SLCO6A1: variants seen among roughly 807,000 people sequenced by gnomAD.
SLCO6A1 encodes cancer/testis antigen 48.
Under a neutral mutation model 72.7 loss-of-function variants are expected in SLCO6A1, and 65 were observed. The ratio of observed to expected loss-of-function variants is 0.89; its 90% CI spans 0.73 to 1.10. The LOEUF (loss-of-function observed/expected upper bound fraction) is 1.10. Among genes scored for constraint, SLCO6A1 ranks in the 50% least tolerant of loss-of-function variants. The pLI is 0.00. For missense variants in SLCO6A1, 874 were observed against 872.6 expected (o/e 1.00, Z -0.02); for synonymous variants, 314 against 298.2 (o/e 1.05, Z -0.55).
chr5:102,433,445 T>C (rs1356933408), intron 7 of SLCO6A1, among the ~76,000 whole-genome samples: 2 of 152,144 alleles, frequency 1.3e-5, no homozygotes, highest in Non-Finnish European at 2.9e-5. Context: ...TTTTCTTTTA[T>C]CCTATTTGAT....
chr5:102,456,741 G>A (rs1172841336), intron 6 of SLCO6A1, among the ~76,000 whole-genome samples: 2 of 152,000 alleles, frequency 1.3e-5, no homozygotes, highest in Non-Finnish European at 2.9e-5. Context: ...TCACAGAATT[G>A]GAAAAAACTA....
chr5:102,421,763 G>A (rs1006480890), intron 7 of SLCO6A1, among the ~76,000 whole-genome samples: 2 of 152,198 alleles, frequency 1.3e-5, no homozygotes, highest in South Asian at 2.1e-4. Context: ...CACAATGCTC[G>A]AGCTCTGCTA....
At chr5:102,489,118 T>C (rs1168458133) in intron 1 of SLCO6A1, among the ~76,000 whole-genome samples, 1 of 152,222 alleles carries the variant, frequency 6.6e-6, no homozygotes, top group African/African-American at 2.4e-5. Flanking sequence ...AATTGAGCAA[T>C]GCTCAAGAGC....
chr5:102,422,258 T>C (rs972710231), intron 7 of SLCO6A1, among the ~76,000 whole-genome samples: 6 of 151,962 alleles, frequency 3.9e-5, no homozygotes, highest in African/African-American at 1.5e-4. Flanking sequence ...GGAACACAAA[T>C]GGACAAAAAA....
At chr5:102,479,358 T>C (rs1752069758) in intron 2 of SLCO6A1, among the ~76,000 whole-genome samples, 1 of 152,142 alleles carries the variant, frequency 6.6e-6, no homozygotes, top group East Asian at 1.9e-4. Flanking sequence ...AATTAAATCT[T>C]CTTTCTTTAT....
intron 4 of SLCO6A1, among the ~76,000 whole-genome samples, chr5:102,462,862 C>CTT (rs879328242): frequency 1.3e-5 from 2 of 152,086 alleles, no homozygotes; most frequent in African/African-American, 2.4e-5. Context: ...TAGATGTTGG[C>CTT]TTAGGCAAAG....
intron 6 of SLCO6A1, among the ~76,000 whole-genome samples, chr5:102,457,052 T>C (rs1170785534): frequency 6.6e-6 from 1 of 152,272 alleles, no homozygotes; most frequent in Non-Finnish European, 1.5e-5. Flanking sequence ...TAGCCATGTG[T>C]AGAAAGCTGA....
intron 12 of SLCO6A1, among the ~76,000 whole-genome samples, chr5:102,376,744 T>A (rs1745818572): frequency 6.6e-6 from 1 of 152,254 alleles, no homozygotes; most frequent in African/African-American, 2.4e-5. Context: ...ACATGAATAA[T>A]TCATGAGATA....
chr5:102,486,836 A>C (rs1345604883), intron 1 of SLCO6A1, among the ~76,000 whole-genome samples: 3 of 152,178 alleles, frequency 2.0e-5, no homozygotes, highest in Non-Finnish European at 4.4e-5. Context: ...GTATCTTCAA[A>C]AATGAAAGTT....
chr5:102,413,188 A>T (rs766820782), intron 8 of SLCO6A1, 45 bp from the exon 9 acceptor site: 2 of 1,488,664 alleles, frequency 1.3e-6, no homozygotes, highest in South Asian at 2.8e-5. Flanking sequence ...ATTGTTTTAT[A>T]ATTATTGATG....
chr5:102,477,288 A>AT (rs1224654710), intron 3 of SLCO6A1, among the ~76,000 whole-genome samples: 3 of 151,652 alleles, frequency 2.0e-5, no homozygotes, highest in African/African-American at 7.3e-5. Flanking sequence ...TGCCCAGCTA[A>AT]TTTTTTTGTA....
intron 4 of SLCO6A1, among the ~76,000 whole-genome samples, chr5:102,475,361 G>A (rs1406160225): frequency 6.6e-6 from 1 of 152,030 alleles, no homozygotes; most frequent in East Asian, 1.9e-4. Flanking sequence ...AATACTGCAT[G>A]ATTCCAGTTT....
At chr5:102,396,408 G>A (rs572474656) in intron 10 of SLCO6A1, among the ~76,000 whole-genome samples, 41 of 152,186 alleles carry the variant, frequency 2.7e-4, no homozygotes, top group African/African-American at 9.4e-4. Flanking sequence ...GTGAGGCTAG[G>A]CATCAATTAT....
intron 4 of SLCO6A1, 26 bp downstream of exon 4, chr5:102,475,671 C>CA: frequency 2.0e-6 from 3 of 1,532,828 alleles, no homozygotes; most frequent in South Asian, 1.2e-5. Flanking sequence ...ACAATGTAAA[C>CA]AAAAAAAGAA....
chr5:102,431,195 T>C (rs1749199201), intron 7 of SLCO6A1, among the ~76,000 whole-genome samples: 1 of 150,916 alleles, frequency 6.6e-6, no homozygotes, highest in South Asian at 2.1e-4. Context: ...TATTAATTTT[T>C]CAAAAAACCA....
chr5:102,467,983 C>A (rs1353130907), intron 4 of SLCO6A1, among the ~76,000 whole-genome samples: 4 of 152,138 alleles, frequency 2.6e-5, no homozygotes, highest in East Asian at 3.9e-4. Context: ...ATAAACTGTC[C>A]TTTTAGCATT....
chr5:102,497,152 G>A (rs1407957650), intron 1 of SLCO6A1, among the ~76,000 whole-genome samples: 3 of 152,168 alleles, frequency 2.0e-5, no homozygotes, highest in Admixed American at 1.3e-4. Context: ...GAATCTTGAT[G>A]TAATAGGGGA....
chr5:102,447,686 G>A (rs187728876), intron 6 of SLCO6A1, among the ~76,000 whole-genome samples: 1 of 152,062 alleles, frequency 6.6e-6, no homozygotes, highest in East Asian at 1.9e-4. Context: ...AGTCTCTGAG[G>A]GTTTTTTGTA....
At chr5:102,433,819 C>T (rs1360105377) in intron 7 of SLCO6A1, among the ~76,000 whole-genome samples, 1 of 152,034 alleles carries the variant, frequency 6.6e-6, no homozygotes, top group Non-Finnish European at 1.5e-5. Flanking sequence ...TACTGGGGTG[C>T]TAGCCTCCAT....
Sources: gnomAD v4.1 joint callset for allele counts (sites outside exome capture counted in the v4.1 genomes callset) on GRCh38, gnomAD v4.1.1 for gene constraint, MANE v1.5 for transcripts, NCBI Gene and HGNC (gene_info 2026-07-23, HGNC 2026-07-21) for gene names.